Variants in DPF2 observed in about 807,000 individuals in gnomAD.
DPF2 encodes the protein double PHD fingers 2.
Under a neutral mutation model 59.6 loss-of-function variants are expected in DPF2, and 10 were observed. The ratio of observed to expected loss-of-function variants is 0.17; its 90% confidence interval spans 0.10 to 0.28. The LOEUF (loss-of-function observed/expected upper bound fraction) is 0.28, where lower values mean the gene tolerates loss of function less well. Among genes scored for constraint, DPF2 ranks in the 10% least tolerant of loss-of-function variants. DPF2 has a pLI of 1.00. For missense variants in DPF2, 315 were observed against 509.4 expected, an observed-to-expected ratio of 0.62 and a Z score of 3.67; for synonymous variants, 189 against 190.6, an observed-to-expected ratio of 0.99 and a Z score of 0.07.
At chr11:65,337,538 G>GAGAGAGAC (rs1854230879) in intron 1 of DPF2, among the ~76,000 whole-genome samples, 1 of 134,886 alleles carries the variant, frequency 7.4e-6, no homozygotes, top group Non-Finnish European at 1.6e-5. Flanking sequence ...GAGAGAGAGA[G>GAGAGAGAC]AGAGAGAGAA....
chr11:65,352,647 C>T lies in DPF2; in HGVS notation c.*888C>T, dbSNP rs2137718700. Reference sequence around the variant, plus strand: ...CTTCCTGGACCTGGGCATTCAGCCTCCTGCTCTTAACTGAATTGGGAGCCT... The same window carrying T: ...CTTCCTGGACCTGGGCATTCAGCCTTCTGCTCTTAACTGAATTGGGAGCCT... On this transcript the variant is annotated 3_prime_UTR_variant, in exon 11 of 11. Coordinates refer to ENST00000528416, the MANE Select transcript of DPF2 (RefSeq NM_006268.5). The T allele has an allele frequency of 6.5e-6, 1 of 152,838 alleles. No homozygotes were observed. The highest frequency in any genetic ancestry group is 1.9e-4 in the East Asian group (1 of 5,184). The allele number at this position is 152,838 out of a possible 1,614,324, so 9.5% of individuals were successfully genotyped here. A position where few individuals can be genotyped will look rare whatever the true frequency, so the allele number is the denominator to read the frequency against.
chr11:65,351,739 C>G lies in DPF2; in HGVS notation c.1156C>G (p.Gln386Glu), dbSNP rs765911720. 6.2e-7 allele frequency: 1 copy of G among 1,613,278 alleles called. No individual in the cohort carries two copies. Among genetic ancestry groups the G allele is most frequent in the Non-Finnish European group, 8.5e-7 (1 of 1,180,042 alleles). The change falls in exon 11 of 11, where the codon CAG (glutamine) becomes GAG (glutamate). Residue 386 changes from glutamine (Q) to glutamate (E), a missense_variant. Physicochemically the swap from Gln to Glu is conservative, Grantham distance 29 (BLOSUM62 2). Around this residue, in one of 4 missense-constraint regions of DPF2, gnomAD observed 27 missense variants for 125.8 expected, o/e 0.21. Coordinates refer to ENST00000528416, the MANE Select transcript of DPF2 (RefSeq NM_006268.5). ...GTTGAAAGAGAAAGCTTCCATCTAC[C>G]AGAACCAGAACTCCTCTTGATGTGG... ...DLLKEKASIY[Q>E]NQNSS
chr11:65,343,632 TGTGG>T lies in DPF2; in HGVS notation c.466-107_466-104del, dbSNP rs1481492072. 3 of 900,154 alleles carry T rather than the reference TGTGG, an allele frequency of 3.3e-6. No homozygotes were observed. In the African/African-American group the frequency reaches 5.0e-5, roughly 15 times the overall value. 55.8% of individuals were successfully genotyped at this position (900,154 alleles called of 1,614,324 possible). A position where few individuals can be genotyped will look rare whatever the true frequency, so the allele number is the denominator to read the frequency against. ...AGGCGTTGGTGAGGAATGAGGCTGG[TGTGG>T]GTGGGACCACGTCACAGAGGAGGTT... On this transcript the variant is annotated intron_variant, in intron 4 of 10. Coordinates refer to ENST00000528416, the MANE Select transcript of DPF2 (RefSeq NM_006268.5).
intron 1 of DPF2, among the ~76,000 whole-genome samples, chr11:65,334,352 G>A (rs1188809407): frequency 1.3e-5 from 2 of 152,008 alleles, no homozygotes; most frequent in African/African-American, 2.4e-5. Context: ...AGGCTCGGCG[G>A]CCCCTGCGGA....
chr11:65,334,029 C>T (rs924539781), intron 1 of DPF2, 111 bp downstream of exon 1: 3 of 1,461,506 alleles, frequency 2.1e-6, no homozygotes, highest in African/African-American at 2.8e-5. Context: ...CCGGGAAAGC[C>T]ATGTTGCGAC....
chr11:65,348,630 AAGTG>A (rs1854607436), intron 9 of DPF2: 1 of 450,764 alleles, frequency 2.2e-6, no homozygotes, highest in Non-Finnish European at 3.9e-6. Context: ...AAAAAAAAAA[AAGTG>A]GAGGTGATTT....
In DPF2 at chr11:65,350,731, G is replaced by T. The variant is rs564176769; in HGVS notation, c.1100-952G>T. ...AAAAACTGGCTGTGCACTGTGGCTC[G>T]CATCTGTAATCCCAGCACTTTGGGA... On this transcript the variant is annotated intron_variant, in intron 10 of 10. Transcript: ENST00000528416. 2.3e-4 allele frequency among the ~76,000 whole-genome samples: 34 copies of T among 150,606 alleles called. 1 individual carries two copies. In the South Asian group the frequency reaches 6.2e-3, roughly 27 times the overall value.
In DPF2 at chr11:65,351,885, C is replaced by T. The variant is rs932340156; in HGVS notation, c.*126C>T. 11 of 1,117,232 alleles carry T rather than the reference C, an allele frequency of 9.8e-6. No homozygotes were observed. In the Middle Eastern group the frequency reaches 8.8e-4, roughly 90 times the overall value. 69.2% of individuals were successfully genotyped at this position (1,117,232 alleles called of 1,614,324 possible). A position where few individuals can be genotyped will look rare whatever the true frequency, so the allele number is the denominator to read the frequency against. On this transcript the variant is annotated 3_prime_UTR_variant, in exon 11 of 11. Coordinates refer to ENST00000528416, the MANE Select transcript of DPF2 (RefSeq NM_006268.5). ...TCCAGAGAACCTTGGGGTGGTTGTG[C>T]CAGCCTGCCTTTGGCAGCTGCAAGC... is the stretch of plus-strand genomic sequence containing the variant.
At chr11:65,340,573 ACTCAGGAGCATAAGGAGGAAGAAGC>A in intron 2 of DPF2, 28 bp downstream of exon 2, 1 of 1,612,218 alleles carries the variant, frequency 6.2e-7, no homozygotes. Flanking sequence ...GGAGAAGGGG[ACTCAGGAGCATAAGGAGGAAGAAGC>A]CTCCTCATCT....
At chr11:65,349,839 C>G (rs1319878158) in intron 10 of DPF2, among the ~76,000 whole-genome samples, 1 of 151,390 alleles carries the variant, frequency 6.6e-6, no homozygotes, top group Non-Finnish European at 1.5e-5. Flanking sequence ...GTAGCTTACT[C>G]AGAACACAAA....
intron 9 of DPF2, 55 bp from the exon 10 acceptor site, chr11:65,348,795 G>C: frequency 2.5e-6 from 4 of 1,582,258 alleles, no homozygotes; most frequent in Non-Finnish European, 3.5e-6. Context: ...TCCTGTAGTG[G>C]CCTGAGGCAC....
intron 6 of DPF2, chr11:65,344,699 T>G: frequency 6.9e-7 from 1 of 1,441,990 alleles, no homozygotes; most frequent in Non-Finnish European, 9.4e-7. Flanking sequence ...GCCTTTCTCA[T>G]TTCCTGGGAT....
rs1488382438 is a variant in DPF2 at position 65,352,253 on chromosome 11, C to T, written c.*494C>T. 3.0e-5 allele frequency: 5 copies of T among 164,398 alleles called. No homozygotes were observed. The highest frequency in any genetic ancestry group is 9.6e-5 in the African/African-American group (4 of 41,700). 10.2% of individuals were successfully genotyped at this position (164,398 alleles called of 1,614,324 possible). A position where few individuals can be genotyped will look rare whatever the true frequency, so the allele number is the denominator to read the frequency against. On this transcript the variant is annotated 3_prime_UTR_variant, in exon 11 of 11. Transcript: ENST00000528416. ...CTGTGCCGCATAGCCTCACCTCTTT[C>T]CTCCAGAGTGGCTCTCTGCGGCCCT...
rs1854721769 is a variant in DPF2 at position 65,352,237 on chromosome 11, A to C, written c.*478A>C. 1.2e-5 allele frequency: 2 copies of C among 173,370 alleles called. No homozygotes were observed. The highest frequency in any genetic ancestry group is 1.3e-4 in the South Asian group (1 of 7,594). The allele number at this position is 173,370 out of a possible 1,614,324, so 10.7% of individuals were successfully genotyped here. A position where few individuals can be genotyped will look rare whatever the true frequency, so the allele number is the denominator to read the frequency against. On this transcript the variant is annotated 3_prime_UTR_variant, in exon 11 of 11. Transcript: ENST00000528416. ...GGAGCTTTTCATGCCCCTGTGCCGC[A>C]TAGCCTCACCTCTTTCCTCCAGAGT...
chr11:65,340,934 G>T lies in DPF2; in HGVS notation c.194-32G>T, dbSNP rs1854349210. 3.7e-6 allele frequency: 6 copies of T among 1,605,070 alleles called. No homozygotes were observed. The Admixed American group carries it at 1.0e-4, about 27-fold the overall frequency. ...GGTATTACTTTCTAATACTGGGTTA[G>T]GGCCTGACTTCTATCTTTCTTCCTG... On this transcript the variant is annotated intron_variant, in intron 2 of 10. Transcript: ENST00000528416.
intron 6 of DPF2, chr11:65,344,576 T>G: frequency 6.5e-7 from 1 of 1,535,974 alleles, no homozygotes. Flanking sequence ...TTTCTGTCTT[T>G]CAGATAGTTT....
At chr11:65,341,135 CTG>C (rs1171311363) in intron 3 of DPF2, 62 bp downstream of exon 3, 18 of 1,537,724 alleles carry the variant, frequency 1.2e-5, no homozygotes, top group Non-Finnish European at 1.6e-5. Context: ...CTGCTAATCA[CTG>C]TGATATACCA....
At chr11:65,341,117 G>A (rs1158837053) in intron 3 of DPF2, 44 bp downstream of exon 3, 2 of 1,584,462 alleles carry the variant, frequency 1.3e-6, no homozygotes, top group Non-Finnish European at 1.7e-6. Context: ...CTGCTGCATG[G>A]TGAGAGCCTG....
At chr11:65,342,276 C>G (rs1162893406) in intron 4 of DPF2, among the ~76,000 whole-genome samples, 1 of 151,970 alleles carries the variant, frequency 6.6e-6, no homozygotes, top group Non-Finnish European at 1.5e-5. Flanking sequence ...AGGACCTTGT[C>G]TCTACTAAAA....
Sources: gnomAD v4.1 joint callset for allele counts (sites outside exome capture counted in the v4.1 genomes callset) on GRCh38, gnomAD v4.1.1 for gene constraint, gnomAD v4.1.1 regional missense constraint, MANE v1.5 for transcripts, NCBI Gene and HGNC (gene_info 2026-07-23, HGNC 2026-07-21) for gene names.